The following PACS2 variants were observed in gnomAD, a reference collection of about 807,000 sequenced individuals.
PACS2 encodes PACS1-like protein.
A neutral mutation model predicts 113.0 loss-of-function variants in PACS2; 36 were observed. That is an observed-to-expected ratio of 0.32 (90% CI 0.24 to 0.42). The LOEUF (loss-of-function observed/expected upper bound fraction) is 0.42, where lower values mean the gene tolerates loss of function less well. Among genes scored for constraint, PACS2 ranks in the 10% least tolerant of loss-of-function variants. The probability of loss-of-function intolerance (pLI) is 1.00; values close to 1 mark genes in which losing one functional copy is unlikely to be tolerated. For missense variants in PACS2, 1,015 were observed against 1,239.5 expected (o/e 0.82, Z 2.72); for synonymous variants, 589 against 536.1 (o/e 1.10, Z -1.36).
intron 19 of PACS2, among the ~76,000 whole-genome samples, chr14:105,387,585 C>T (rs782037613): frequency 6.6e-5 from 10 of 152,244 alleles, no homozygotes; most frequent in African/African-American, 1.4e-4. Flanking sequence ...AGTGTCCAGC[C>T]GGTGTCACCC....
At chr14:105,352,908 T>C (rs1198301475) in intron 3 of PACS2, among the ~76,000 whole-genome samples, 187 of 28,700 alleles carry the variant, frequency 6.5e-3, no homozygotes, top group Admixed American at 0.011. Context: ...ACGGGCCCCC[T>C]CATCACTGTC....
chr14:105,320,178 G>A (rs113501767), intron 1 of PACS2, among the ~76,000 whole-genome samples: 17,460 of 151,800 alleles, frequency 0.12, 3,407 homozygotes, highest in African/African-American at 0.4. Context: ...GGGTTTCACC[G>A]TGTTGGCCAG....
intron 19 of PACS2, 140 bp from the exon 20 acceptor site, chr14:105,389,821 G>GGGCAGGGCTGTCC (rs1168990111): frequency 2.9e-5 from 23 of 782,272 alleles, no homozygotes; most frequent in Non-Finnish European, 4.3e-5. Flanking sequence ...GGGACACACA[G>GGGCAGGGCTGTCC]GGCAGGGCTG....
At chr14:105,391,397 G>C (rs2081350890) in intron 21 of PACS2, 148 bp downstream of exon 21, 1 of 697,174 alleles carries the variant, frequency 1.4e-6, no homozygotes, top group South Asian at 1.7e-5. Flanking sequence ...GTCCTGCGGG[G>C]GGTTCATCCT....
At chr14:105,370,170 T>C (rs1555409055) in intron 8 of PACS2, 1 of 378,980 alleles carries the variant, frequency 2.6e-6, no homozygotes, top group African/African-American at 2.1e-5. Flanking sequence ...CATTAGTTTG[T>C]GTGTTTTTTT....
intron 4 of PACS2, among the ~76,000 whole-genome samples, chr14:105,360,273 CTCATGCCTGTAA>C (rs1595693087): frequency 6.6e-6 from 1 of 152,158 alleles, no homozygotes; most frequent in East Asian, 1.9e-4. Flanking sequence ...GGTGCGGTGG[CTCATGCCTGTAA>C]TCCCAGCACT....
intron 1 of PACS2, among the ~76,000 whole-genome samples, chr14:105,320,792 T>A (rs1022265650): frequency 6.6e-6 from 1 of 152,374 alleles, no homozygotes; most frequent in African/African-American, 2.4e-5. Flanking sequence ...TTTTGCTGTA[T>A]CGTGGTATAG....
intron 9 of PACS2, among the ~76,000 whole-genome samples, chr14:105,377,640 A>G (rs1277431067): frequency 6.6e-6 from 1 of 152,162 alleles, no homozygotes; most frequent in Non-Finnish European, 1.5e-5. Context: ...GCCTTGCTGC[A>G]TGTTGGAGGC....
At chr14:105,394,327 C>G (rs781920937) in intron 24 of PACS2, 63 of 985,198 alleles carry the variant, frequency 6.4e-5, no homozygotes, top group South Asian at 1.4e-4. Flanking sequence ...CTCCCCACCC[C>G]CCAGGGCTCT....
intron 16 of PACS2, 116 bp downstream of exon 16, chr14:105,383,629 TCGTGGTGTGGCGCGGTGTGG>T: frequency 1.0e-6 from 1 of 988,890 alleles, no homozygotes; most frequent in Non-Finnish European, 1.5e-6. Context: ...GCGCGGTGTG[TCGTGGTGTGGCGCGGTGTGG>T]CATGGCGTGG....
At chr14:105,352,576 T>A (rs2060226216) in intron 3 of PACS2, 109 bp downstream of exon 3, 1 of 597,546 alleles carries the variant, frequency 1.7e-6, no homozygotes, top group African/African-American at 2.2e-5. Context: ...CACTGTCCCC[T>A]GGGGTGATGG....
intron 1 of PACS2, among the ~76,000 whole-genome samples, chr14:105,326,121 C>T (rs754305653): frequency 6.6e-6 from 1 of 152,274 alleles, no homozygotes; most frequent in Non-Finnish European, 1.5e-5. Context: ...TTGGGCAAGA[C>T]TTTTCATGGG....
chr14:105,381,163 G>T, intron 12 of PACS2, 64 bp downstream of exon 12: 3 of 1,473,262 alleles, frequency 2.0e-6, no homozygotes, highest in East Asian at 2.3e-5. Context: ...GCCGTCACGG[G>T]CATCAGTCGG....
rs1162867538 is a variant in PACS2, at chr14:105,358,440, C to T, written c.423+3263C>T. ...GTGTGCGGTGGGGGCAGACGTGGGGCCTTCTCCTGTGGTGTGGCTCTCAGA... is the reference window on the plus strand; with the variant it reads ...GTGTGCGGTGGGGGCAGACGTGGGGTCTTCTCCTGTGGTGTGGCTCTCAGA... On this transcript the variant is annotated intron_variant, in intron 4 of 24. Coordinates refer to ENST00000447393, the MANE Select transcript of PACS2 (RefSeq NM_001100913.3). This position sits in a 1 kb window ranked among gnomAD's most constrained non-coding sequence, Gnocchi z 4.9. 6.6e-6 allele frequency among the ~76,000 whole-genome samples: 1 copy of T among 152,138 alleles called. No homozygotes were observed. Among genetic ancestry groups the T allele is most frequent in the Non-Finnish European group, 1.5e-5 (1 of 68,006 alleles).
chr14:105,383,538 G>T (rs781929087), intron 16 of PACS2, 25 bp downstream of exon 16: 4 of 1,559,778 alleles, frequency 2.6e-6, no homozygotes, highest in Non-Finnish European at 3.5e-6. Context: ...GTCCACCTGG[G>T]CCTGGGCACA....
chr14:105,372,108 A>C (rs1334065885), intron 8 of PACS2: 2 of 152,282 alleles, frequency 1.3e-5, no homozygotes, highest in African/African-American at 4.8e-5. Flanking sequence ...ACCACAGAGC[A>C]CTGGCATCCA....
At position 105,376,706 on chromosome 14, in the gene PACS2, C is replaced by T. The variant is rs1460732453; in HGVS notation, c.802-62C>T. On this transcript the variant is annotated intron_variant, in intron 8 of 24. Transcript: ENST00000447393. This position sits in a 1 kb window ranked among gnomAD's most constrained non-coding sequence, Gnocchi z 4.7. ...CTCCTGCAGACTCTGGGGTCTCGGG[C>T]GCCCCCAGTGGGGCAATGTGGGCTG... 61 of 1,524,370 alleles carry T rather than the reference C, an allele frequency of 4.0e-5. No homozygotes were observed. Among genetic ancestry groups the T allele is most frequent in the Non-Finnish European group, 4.9e-5 (55 of 1,111,766 alleles). 94.4% of individuals were successfully genotyped at this position (1,524,370 alleles called of 1,614,324 possible). A position where few individuals can be genotyped will look rare whatever the true frequency, so the allele number is the denominator to read the frequency against.
chr14:105,305,361 C>T (rs760011682), intron 1 of PACS2, among the ~76,000 whole-genome samples: 14 of 152,100 alleles, frequency 9.2e-5, no homozygotes, highest in Non-Finnish European at 1.8e-4. Context: ...GAGATCACAC[C>T]ACTCCACTCC....
intron 9 of PACS2, 106 bp downstream of exon 9, chr14:105,377,031 A>C: frequency 8.1e-7 from 1 of 1,238,292 alleles, no homozygotes; most frequent in Non-Finnish European, 1.1e-6. Flanking sequence ...CGGGGTGGGC[A>C]GGGCCAGCTG....
Sources: gnomAD v4.1 joint callset for allele counts (sites outside exome capture counted in the v4.1 genomes callset) on GRCh38, gnomAD v4.1.1 for gene constraint, Gnocchi (gnomAD v3.1) non-coding constraint, MANE v1.5 for transcripts, NCBI Gene and HGNC (gene_info 2026-07-23, HGNC 2026-07-21) for gene names.